Variants in GLIS1 observed in about 807,000 individuals in gnomAD.
GLIS1 encodes zinc finger protein GLIS1.
A neutral mutation model predicts 63.8 loss-of-function variants in GLIS1; 24 were observed. The ratio of observed to expected loss-of-function variants is 0.38; its 90% CI spans 0.27 to 0.53. The LOEUF is 0.53. GLIS1 is among the 20% of genes least tolerant of loss of function. The pLI is 0.85. For missense variants in GLIS1, 1,036 were observed against 1,074.1 expected (o/e 0.96, Z 0.50); for synonymous variants, 450 against 482.5 (o/e 0.93, Z 0.88).
At chr1:53,537,020 G>A (rs1644588077) in intron 4 of GLIS1, among the ~76,000 whole-genome samples, 1 of 152,246 alleles carries the variant, frequency 6.6e-6, no homozygotes, top group African/African-American at 2.4e-5. Context: ...GTGACAGGCA[G>A]GGGAAAATCA....
At position 53,574,798 on chromosome 1, in the gene GLIS1, G is replaced by A. The variant is rs1452720054; in HGVS notation, c.1320+19310C>T. On this transcript the variant is annotated intron_variant, in intron 4 of 10. Transcript: ENST00000628545. The surrounding 1 kb of genome is among the most constrained non-coding windows in gnomAD (Gnocchi z 4.2). Reference sequence around the variant, plus strand: ...GGCCATGGGGTCTAGCTGTGAATGTGGTAAAAAGCTGGGGCAGGAGGGCTG... The same window carrying A: ...GGCCATGGGGTCTAGCTGTGAATGTAGTAAAAAGCTGGGGCAGGAGGGCTG... Among the ~76,000 whole-genome samples, 4 of 152,176 alleles carry A rather than the reference G, an allele frequency of 2.6e-5. No homozygotes were observed. The highest frequency in any genetic ancestry group is 5.9e-5 in the Non-Finnish European group (4 of 68,038).
chr1:53,716,061 A>C (rs553569708), intron 2 of GLIS1, among the ~76,000 whole-genome samples: 1 of 152,282 alleles, frequency 6.6e-6, no homozygotes, highest in East Asian at 1.9e-4. Flanking sequence ...GGGAGGGTGG[A>C]TGCAAAGCCC....
chr1:53,675,938 G>A lies in GLIS1; in HGVS notation c.259+61868C>T, dbSNP rs551824647. Reference sequence around the variant, plus strand: ...CCTGGCCCAGAGAGAGAAGCCTGGAGCCAGCAGCCATCAGGACCTTGTCCA... The same window carrying A: ...CCTGGCCCAGAGAGAGAAGCCTGGAACCAGCAGCCATCAGGACCTTGTCCA... On this transcript the variant is annotated intron_variant, in intron 2 of 10. Transcript: ENST00000628545. Among the ~76,000 whole-genome samples the A allele has an allele frequency of 1.8e-3, 273 of 151,704 alleles. 1 individual carries two copies. The highest frequency in any genetic ancestry group is 3.2e-3 in the Non-Finnish European group (215 of 67,954).
chr1:53,548,403 C>G (rs921156886), intron 4 of GLIS1, among the ~76,000 whole-genome samples: 2 of 152,192 alleles, frequency 1.3e-5, no homozygotes, highest in African/African-American at 2.4e-5. Context: ...GGGGCAGGAA[C>G]GAGAGAAGGG....
At position 53,511,591 on chromosome 1, in the gene GLIS1, G is replaced by GA. The variant is rs1644298716; in HGVS notation, c.1884-1565_1884-1564insT. The stretch of plus-strand genomic sequence containing the variant: ...TGATACACTGTGGGTCCCTGTCACT[G>GA]TTTTAAGTTCATGAGACGAATCCTC... On this transcript the variant is annotated intron_variant, in intron 8 of 10. Coordinates refer to ENST00000628545, the MANE Select transcript of GLIS1 (RefSeq NM_001367484.1). This position sits in a 1 kb window ranked among gnomAD's most constrained non-coding sequence, Gnocchi z 4.2. Among the ~76,000 whole-genome samples, 1 of 152,138 alleles carries GA rather than the reference G, an allele frequency of 6.6e-6. No homozygotes were observed. The highest frequency in any genetic ancestry group is 2.4e-5 in the African/African-American group (1 of 41,446).
At chr1:53,622,937 C>T (rs144356638) in intron 2 of GLIS1, among the ~76,000 whole-genome samples, 1 of 152,170 alleles carries the variant, frequency 6.6e-6, no homozygotes, top group Non-Finnish European at 1.5e-5. Context: ...TTCTGTTTTA[C>T]CAATTCTTAT....
At chr1:53,673,826 C>T (rs76857850) in intron 2 of GLIS1, among the ~76,000 whole-genome samples, 5,987 of 152,286 alleles carry the variant, frequency 0.039, 135 homozygotes, top group South Asian at 0.099. Flanking sequence ...CGCATGAAGG[C>T]AAGAATGCAT....
intron 2 of GLIS1, among the ~76,000 whole-genome samples, chr1:53,720,270 A>G (rs1646740695): frequency 6.6e-6 from 1 of 152,246 alleles, no homozygotes; most frequent in South Asian, 2.1e-4. Flanking sequence ...CCATCAATAG[A>G]CAAATGGATA....
intron 2 of GLIS1, among the ~76,000 whole-genome samples, chr1:53,654,519 A>C (rs754989163): frequency 6.6e-6 from 1 of 152,226 alleles, no homozygotes; most frequent in Non-Finnish European, 1.5e-5. Flanking sequence ...TTTGGGAGTC[A>C]TCAACAAATG....
At chr1:53,693,547 G>T (rs1472793828) in intron 2 of GLIS1, among the ~76,000 whole-genome samples, 1 of 152,174 alleles carries the variant, frequency 6.6e-6, no homozygotes, top group Non-Finnish European at 1.5e-5. Flanking sequence ...AGCCAGAGCT[G>T]CCCCCACAGC....
intron 3 of GLIS1, among the ~76,000 whole-genome samples, chr1:53,597,679 C>T (rs569482103): frequency 6.6e-6 from 1 of 151,990 alleles, no homozygotes; most frequent in Non-Finnish European, 1.5e-5. Flanking sequence ...GGGGAAGGCA[C>T]GGAATTCAGA....
intron 4 of GLIS1, among the ~76,000 whole-genome samples, chr1:53,573,912 T>C (rs1440469504): frequency 1.3e-5 from 2 of 152,208 alleles, no homozygotes; most frequent in Non-Finnish European, 2.9e-5. Flanking sequence ...AAGGGGCTCT[T>C]TTAGAAACAG....
intron 8 of GLIS1, 117 bp from the exon 9 acceptor site, chr1:53,510,144 G>C: frequency 2.1e-6 from 1 of 471,620 alleles, no homozygotes; most frequent in Non-Finnish European, 3.5e-6. Flanking sequence ...CAGCTGACCT[G>C]CTCCGACTTA....
At chr1:53,581,746 A>G (rs142953445) in intron 4 of GLIS1, among the ~76,000 whole-genome samples, 144 of 152,318 alleles carry the variant, frequency 9.5e-4, no homozygotes, top group African/African-American at 3.3e-3. Context: ...CAGAGGTGGA[A>G]ATGAACTTAG....
chr1:53,726,117 A>G (rs892355305), intron 2 of GLIS1, among the ~76,000 whole-genome samples: 7 of 152,308 alleles, frequency 4.6e-5, no homozygotes, highest in African/African-American at 1.7e-4. Context: ...GCAGTCAGAC[A>G]ATGAAGGAAG....
chr1:53,555,101 G>A lies in GLIS1; in HGVS notation c.1321-25149C>T, dbSNP rs147301598. On this transcript the variant is annotated intron_variant, in intron 4 of 10. Coordinates refer to ENST00000628545, the MANE Select transcript of GLIS1 (RefSeq NM_001367484.1). ...CCCATGCACTCTCAGATCTAAAGAC[G>A]GGTAACCCATCTCCCCACTCAGGCG... Among the ~76,000 whole-genome samples, 158 of 152,268 alleles carry A rather than the reference G, an allele frequency of 1.0e-3. 3 individuals are homozygous for A. The East Asian group carries it at 0.028, about 27-fold the overall frequency.
At chr1:53,659,634 C>T (rs1346015840) in intron 2 of GLIS1, among the ~76,000 whole-genome samples, 1 of 152,168 alleles carries the variant, frequency 6.6e-6, no homozygotes, top group African/African-American at 2.4e-5. Context: ...GAGGGGGCCA[C>T]ACCTGGACCC....
chr1:53,690,404 G>T (rs1025750703), intron 2 of GLIS1, among the ~76,000 whole-genome samples: 8 of 152,220 alleles, frequency 5.3e-5, no homozygotes, highest in African/African-American at 1.7e-4. Context: ...CCTCATATGA[G>T]ACATGGCGGG....
chr1:53,716,364 A>G (rs1002522985), intron 2 of GLIS1, among the ~76,000 whole-genome samples: 1 of 152,150 alleles, frequency 6.6e-6, no homozygotes, highest in Non-Finnish European at 1.5e-5. Context: ...GAAGGAAGTG[A>G]GGACAAGTGG....
Sources: gnomAD v4.1 joint callset for allele counts (sites outside exome capture counted in the v4.1 genomes callset) on GRCh38, gnomAD v4.1.1 for gene constraint, Gnocchi (gnomAD v3.1) non-coding constraint, MANE v1.5 for transcripts, NCBI Gene and HGNC (gene_info 2026-07-23, HGNC 2026-07-21) for gene names.